Variants in ERICH1 observed in about 807,000 individuals in gnomAD.
ERICH1 encodes the protein glutamate rich 1.
ERICH1 carries 56 observed loss-of-function variants against 39.6 expected under a neutral mutation model. The ratio of observed to expected loss-of-function variants is 1.41; its 90% CI spans 1.14 to 1.77. The LOEUF is 1.77. Ranked by LOEUF, ERICH1 falls within the 40% of genes most tolerant of loss-of-function variation. ERICH1 has a pLI of 0.00. For synonymous variants in ERICH1, 313 were observed against 223.6 expected (o/e 1.40, Z -3.57); for missense variants, 826 against 575.4 (o/e 1.44, Z -4.45).
intron 3 of ERICH1, among the ~76,000 whole-genome samples, chr8:636,466 C>G (rs1489252860): frequency 6.6e-6 from 1 of 152,244 alleles, no homozygotes; most frequent in African/African-American, 2.4e-5. Context: ...GAGTGCCTTC[C>G]TCTCCCGACT....
intron 3 of ERICH1, among the ~76,000 whole-genome samples, chr8:642,464 C>A (rs905186181): frequency 6.6e-6 from 1 of 151,680 alleles, no homozygotes; most frequent in Non-Finnish European, 1.5e-5. Context: ...CCTGCCTCAG[C>A]CTCCCAGATA....
chr8:707,201 T>C (rs974662987), intron 2 of ERICH1, among the ~76,000 whole-genome samples: 1 of 111,742 alleles, frequency 8.9e-6, no homozygotes, highest in African/African-American at 2.8e-5. Flanking sequence ...ACTGATTTTT[T>C]TTGTTTCTTT....
chr8:690,402 C>T (rs1808636412), intron 3 of ERICH1, among the ~76,000 whole-genome samples: 1 of 152,252 alleles, frequency 6.6e-6, no homozygotes. Flanking sequence ...TTGATATGGT[C>T]AGTGAGCACT....
At chr8:716,717 G>A (rs145517164) in intron 1 of ERICH1, among the ~76,000 whole-genome samples, 4 of 152,290 alleles carry the variant, frequency 2.6e-5, no homozygotes, top group South Asian at 2.1e-4. Context: ...ACCAAAAGTC[G>A]CACAGTGGAA....
At chr8:699,783 ACGCG>A (rs1811321767) in intron 2 of ERICH1, among the ~76,000 whole-genome samples, 2 of 99,122 alleles carry the variant, frequency 2.0e-5, no homozygotes, top group Non-Finnish European at 4.4e-5. Context: ...AGACCCGCAC[ACGCG>A]CACAGACCCG....
chr8:708,681 G>GTTTTTTTTTTTTTTTTTTTTTTTTTT (rs139731216), intron 2 of ERICH1, among the ~76,000 whole-genome samples: 2 of 65,768 alleles, frequency 3.0e-5, no homozygotes, highest in African/African-American at 5.7e-5. Context: ...GGGATAATGA[G>GTTTTTTTTTTTTTTTTTTTTTTTTTT]TTTTTTTTTT....
chr8:620,792 G>A (rs1797233182), intron 3 of ERICH1, among the ~76,000 whole-genome samples: 1 of 151,884 alleles, frequency 6.6e-6, no homozygotes, highest in Non-Finnish European at 1.5e-5. Flanking sequence ...AAAGCAAACT[G>A]GTGAAATTGA....
rs1440614948 is a variant in ERICH1, at chr8:715,917, G to A, written c.113C>T (p.Pro38Leu). 1 of 1,613,892 alleles carries A rather than the reference G, an allele frequency of 6.2e-7. No homozygotes were observed. Among genetic ancestry groups the A allele is most frequent in the Non-Finnish European group, 8.5e-7 (1 of 1,179,974 alleles). Residue 38 changes from proline (P) to leucine (L), a missense_variant, in exon 2 of 6, where the codon CCA becomes CTA. Pro to Leu is a moderately conservative substitution (Grantham distance 98, BLOSUM62 -3). Transcript: ENST00000262109. ...TTTCTCAGAGGTCACTTTCTTTGGT[G>A]GATTTTGGACGGCCAGCGTCTGGGG... Reference protein sequence around the residue: ...REPQTLAVQNPPKKVTSEKVS... With the variant: ...REPQTLAVQNLPKKVTSEKVS...
At chr8:620,955 C>A (rs1015788754) in intron 3 of ERICH1, among the ~76,000 whole-genome samples, 2 of 152,184 alleles carry the variant, frequency 1.3e-5, no homozygotes, top group Non-Finnish European at 2.9e-5. Flanking sequence ...TCACCAAAAA[C>A]AGCAGAATAC....
intron 5 of ERICH1, among the ~76,000 whole-genome samples, 195 bp from the exon 6 acceptor site, chr8:664,871 G>T (rs542078701): frequency 1.7e-4 from 26 of 152,166 alleles, no homozygotes; most frequent in Non-Finnish European, 3.5e-4. Flanking sequence ...AATCAGTATG[G>T]CAACACAGTG....
chr8:688,649 C>T (rs1048855842), intron 3 of ERICH1, among the ~76,000 whole-genome samples: 12 of 152,136 alleles, frequency 7.9e-5, no homozygotes, highest in African/African-American at 2.4e-4. Flanking sequence ...AGAAAACAAG[C>T]CATTTTAAGA....
chr8:667,834 CT>C (rs1266176537), intron 5 of ERICH1: 1 of 152,730 alleles, frequency 6.5e-6, no homozygotes, highest in Non-Finnish European at 1.5e-5. Flanking sequence ...ACTCCCGACA[CT>C]TACTCTGAAA....
At chr8:694,049 TC>T (rs1809570142) in intron 2 of ERICH1, among the ~76,000 whole-genome samples, 1 of 152,230 alleles carries the variant, frequency 6.6e-6, no homozygotes, top group South Asian at 2.1e-4. Context: ...CAAGTGGACA[TC>T]CCAGCTGGGC....
intron 2 of ERICH1, among the ~76,000 whole-genome samples, chr8:693,830 A>T (rs1273580708): frequency 6.7e-6 from 1 of 150,270 alleles, no homozygotes; most frequent in East Asian, 1.9e-4. Flanking sequence ...CCCCTGCTGC[A>T]CGCCCCTCTG....
At chr8:721,733 G>A (rs1458602599) in intron 1 of ERICH1, among the ~76,000 whole-genome samples, 19 of 152,234 alleles carry the variant, frequency 1.2e-4, no homozygotes, top group Admixed American at 1.2e-3. Flanking sequence ...TCTACTTCGC[G>A]ACTAATACCA....
At chr8:640,081 T>A (rs1031291210) in intron 3 of ERICH1, among the ~76,000 whole-genome samples, 1 of 152,136 alleles carries the variant, frequency 6.6e-6, no homozygotes, top group African/African-American at 2.4e-5. Flanking sequence ...CATCCCCACT[T>A]CACAGAGGAA....
intron 3 of ERICH1, among the ~76,000 whole-genome samples, chr8:630,384 C>G (rs1797930878): frequency 7.1e-6 from 1 of 141,016 alleles, no homozygotes; most frequent in Admixed American, 7.1e-5. Flanking sequence ...CTGTGACCAC[C>G]CACACAGACA....
intron 2 of ERICH1, among the ~76,000 whole-genome samples, chr8:705,258 G>A (rs563424886): frequency 5.9e-5 from 9 of 152,304 alleles, no homozygotes; most frequent in South Asian, 4.1e-4. Context: ...CTCACAGAGC[G>A]CCACTCGGCC....
In ERICH1 at chr8:642,534, C is replaced by T. The variant is rs757887919; in HGVS notation, c.976+26064G>A. ...TAATTTTTTGTATTTTTAGTAGAGA[C>T]GGGGTTTCACTGTGTTAGCCAGGAT... On this transcript the variant is annotated intron_variant, in intron 3 of 3. Coordinates refer to the ERICH1 transcript ENST00000522706. Among the ~76,000 whole-genome samples, 11 of 151,762 alleles carry T rather than the reference C, an allele frequency of 7.2e-5. No homozygotes were observed. The East Asian group carries it at 1.6e-3, about 21-fold the overall frequency.
Sources: allele counts gnomAD v4.1 joint callset (sites outside exome capture counted in the v4.1 genomes callset), GRCh38; gene constraint gnomAD v4.1.1; transcripts MANE v1.5; gene names NCBI Gene and HGNC (gene_info 2026-07-23, HGNC 2026-07-21).